Variants in MAPK10 observed in about 807,000 individuals in gnomAD.
MAPK10 encodes the protein JNK3 alpha protein kinase.
In MAPK10, 25 loss-of-function variants were observed where a neutral mutation model predicts 59.3. The ratio of observed to expected loss-of-function variants is 0.42; its 90% CI spans 0.31 to 0.59. The LOEUF (loss-of-function observed/expected upper bound fraction) is 0.59, where lower values mean the gene tolerates loss of function less well. Ranked by LOEUF, MAPK10 falls within the 20% of genes least tolerant of loss-of-function variation. The pLI is 0.15. For missense variants in MAPK10, 351 were observed against 568.9 expected (o/e 0.62, Z 3.90); for synonymous variants, 190 against 200.5 (o/e 0.95, Z 0.44).
intron 2 of MAPK10, among the ~76,000 whole-genome samples, chr4:86,316,869 T>C (rs1244863011): frequency 6.6e-6 from 1 of 151,904 alleles, no homozygotes; most frequent in African/African-American, 2.4e-5. Flanking sequence ...GTAGTAGAAA[T>C]GCCCACCTTA....
intron 2 of MAPK10, among the ~76,000 whole-genome samples, chr4:86,283,598 T>C (rs2094898696): frequency 6.6e-6 from 1 of 152,210 alleles, no homozygotes; most frequent in Non-Finnish European, 1.5e-5. Context: ...AACTTATTTT[T>C]TACAGCATTT....
intron 2 of MAPK10, among the ~76,000 whole-genome samples, chr4:86,345,124 G>C (rs1404531476): frequency 1.3e-5 from 2 of 152,178 alleles, no homozygotes; most frequent in African/African-American, 4.8e-5. Flanking sequence ...ACAACAAAAC[G>C]GGGAAAGTTA....
chr4:86,261,254 C>T (rs149967222), intron 2 of MAPK10, among the ~76,000 whole-genome samples: 3 of 152,298 alleles, frequency 2.0e-5, no homozygotes, highest in African/African-American at 4.8e-5. Context: ...TTGTTGACCA[C>T]CTCTTTGGAT....
At chr4:86,509,191 T>G (rs1322189552) in intron 1 of MAPK10, among the ~76,000 whole-genome samples, 2 of 152,112 alleles carry the variant, frequency 1.3e-5, no homozygotes, top group Non-Finnish European at 2.9e-5. Context: ...ATTAATGGCT[T>G]TACAAATTAC....
chr4:86,306,216 A>G (rs1216097419), intron 2 of MAPK10, among the ~76,000 whole-genome samples: 3 of 152,218 alleles, frequency 2.0e-5, no homozygotes, highest in South Asian at 2.1e-4. Flanking sequence ...AAAAAACTAT[A>G]TGTTTTAAAA....
At chr4:86,198,621 A>G (rs2081936972) in intron 2 of MAPK10, among the ~76,000 whole-genome samples, 1 of 152,032 alleles carries the variant, frequency 6.6e-6, no homozygotes, top group Non-Finnish European at 1.5e-5. Context: ...ATTTCAGGAA[A>G]GGCCAAACTT....
intron 2 of MAPK10, among the ~76,000 whole-genome samples, chr4:86,312,633 G>T (rs930378554): frequency 6.6e-6 from 1 of 152,010 alleles, no homozygotes; most frequent in Non-Finnish European, 1.5e-5. Context: ...TGTAAATAGG[G>T]ACTGCAGGAT....
intron 2 of MAPK10, among the ~76,000 whole-genome samples, chr4:86,282,666 G>A (rs2094853466): frequency 1.3e-5 from 2 of 152,170 alleles, no homozygotes; most frequent in Admixed American, 1.3e-4. Context: ...GACACTTGAA[G>A]TTTTAAATGC....
chr4:86,285,323 T>C (rs1218801226), intron 2 of MAPK10, among the ~76,000 whole-genome samples: 1 of 151,858 alleles, frequency 6.6e-6, no homozygotes, highest in East Asian at 1.9e-4. Flanking sequence ...GTTCAAGCAA[T>C]TCTCTGCCTC....
At chr4:86,133,078 T>A (rs932496323) in intron 4 of MAPK10, among the ~76,000 whole-genome samples, 6 of 152,156 alleles carry the variant, frequency 3.9e-5, no homozygotes, top group Admixed American at 3.9e-4. Context: ...ATTCTAAACA[T>A]GTATATGACA....
intron 4 of MAPK10, chr4:86,123,773 C>G (rs2059641765): frequency 6.6e-6 from 1 of 152,022 alleles, no homozygotes; most frequent in South Asian, 2.1e-4. Context: ...ACAAAACAAC[C>G]TAAGAATGAC....
intron 2 of MAPK10, among the ~76,000 whole-genome samples, chr4:86,320,015 T>G (rs569174575): frequency 6.6e-5 from 10 of 152,320 alleles, no homozygotes; most frequent in Admixed American, 1.3e-4. Context: ...CAAAAAGTTG[T>G]CTCCTTAGAG....
At chr4:86,372,549 A>G (rs1311967198) in intron 1 of MAPK10, among the ~76,000 whole-genome samples, 3 of 21,854 alleles carry the variant, frequency 1.4e-4, no homozygotes, top group Admixed American at 7.1e-4. Context: ...AGAAAGAAAG[A>G]AAGAAAGAAA....
intron 1 of MAPK10, among the ~76,000 whole-genome samples, chr4:86,373,241 C>T (rs1358231314): frequency 6.6e-6 from 1 of 152,158 alleles, no homozygotes; most frequent in African/African-American, 2.4e-5. Flanking sequence ...TTCCTTACAC[C>T]TTATACAAAA....
chr4:86,445,953 A>C (rs948975223), intron 1 of MAPK10, among the ~76,000 whole-genome samples: 4 of 152,190 alleles, frequency 2.6e-5, no homozygotes, highest in Admixed American at 1.3e-4. Context: ...GAATAAAGGA[A>C]CAGGTAAAGG....
intron 9 of MAPK10, chr4:86,089,056 A>G: frequency 1.7e-6 from 1 of 600,552 alleles, no homozygotes. Context: ...TTACTCTGCC[A>G]TAATGCCAAC....
intron 2 of MAPK10, among the ~76,000 whole-genome samples, chr4:86,267,883 C>T (rs1230962822): frequency 6.6e-6 from 1 of 152,168 alleles, no homozygotes; most frequent in Non-Finnish European, 1.5e-5. Flanking sequence ...ACATTGTTAA[C>T]ATCTAACAAA....
chr4:86,288,730 C>T, intron 2 of MAPK10, among the ~76,000 whole-genome samples: 1 of 152,080 alleles, frequency 6.6e-6, no homozygotes, highest in East Asian at 1.9e-4. Flanking sequence ...CCTCCAGAGG[C>T]TCATAGTCAC....
In MAPK10 at chr4:86,577,310, CA is replaced by C. The variant is rs946604313; in HGVS notation, c.-263+16599del. ...TGGGTGACAGAGAAAGACCTTGTCT[CA>C]AAAAAATTTTTTTTAATTAAAAAGA... is the stretch of plus-strand genomic sequence containing the variant. On this transcript the variant is annotated intron_variant, in intron 1 of 4. Coordinates refer to the MAPK10 transcript ENST00000502302. Among the ~76,000 whole-genome samples the C allele has an allele frequency of 5.3e-5, 8 of 151,314 alleles. No homozygotes were observed. In the South Asian group the frequency reaches 1.5e-3, roughly 28 times the overall value.
Sources: gnomAD v4.1 joint callset for allele counts (sites outside exome capture counted in the v4.1 genomes callset) on GRCh38, gnomAD v4.1.1 for gene constraint, MANE v1.5 for transcripts, NCBI Gene and HGNC (gene_info 2026-07-23, HGNC 2026-07-21) for gene names.